CPM: variants seen among roughly 807,000 people sequenced by gnomAD.
CPM encodes renal carboxypeptidase.
CPM carries 35 observed loss-of-function variants against 46.4 expected under a neutral mutation model. The ratio of observed to expected loss-of-function variants is 0.75; its 90% CI spans 0.58 to 1.00. The LOEUF (loss-of-function observed/expected upper bound fraction) is 1.00. Among genes scored for constraint, CPM ranks in the 50% least tolerant of loss-of-function variants. The pLI, the probability that CPM is intolerant of heterozygous loss-of-function variation, is 0.00. For missense variants in CPM, 422 were observed against 530.4 expected (o/e 0.80, Z 2.01); for synonymous variants, 195 against 195.3 (o/e 1.00, Z 0.01).
At chr12:68,881,613 C>A (rs1886192339) in intron 3 of CPM, among the ~76,000 whole-genome samples, 1 of 152,078 alleles carries the variant, frequency 6.6e-6, no homozygotes, top group Non-Finnish European at 1.5e-5. Flanking sequence ...ACACAAATAT[C>A]TGGAAAAACA....
At chr12:68,926,453 A>T (rs1359085566) in intron 2 of CPM, among the ~76,000 whole-genome samples, 4 of 152,106 alleles carry the variant, frequency 2.6e-5, no homozygotes, top group Non-Finnish European at 5.9e-5. Context: ...CTATACCTTC[A>T]GGTCAAATGT....
At chr12:68,849,045 G>A (rs1372142017), downstream of CPM, 1 of 151,488 alleles carries the variant, frequency 6.6e-6, no homozygotes, top group African/African-American at 2.4e-5. Flanking sequence ...AAGGTGGGAG[G>A]TGGAAGTATC....
chr12:68,922,552 A>G (rs1330692536), intron 2 of CPM, among the ~76,000 whole-genome samples: 3 of 151,814 alleles, frequency 2.0e-5, no homozygotes, highest in African/African-American at 2.4e-5. Flanking sequence ...GTTATCTTCA[A>G]CTCCGGGTAA....
At chr12:68,918,942 T>C (rs966602623) in intron 2 of CPM, among the ~76,000 whole-genome samples, 23 of 152,238 alleles carry the variant, frequency 1.5e-4, no homozygotes, top group African/African-American at 5.1e-4. Context: ...CACTTTAGAA[T>C]TGGCTTAGAA....
intron 3 of CPM, among the ~76,000 whole-genome samples, chr12:68,880,476 C>G (rs1435852160): frequency 1.3e-5 from 2 of 152,190 alleles, no homozygotes; most frequent in African/African-American, 2.4e-5. Context: ...TTTTACATAA[C>G]AGCAAGCCCA....
chr12:68,870,480 G>T, intron 4 of CPM, 81 bp from the exon 5 acceptor site: 1 of 1,267,684 alleles, frequency 7.9e-7, no homozygotes, highest in Non-Finnish European at 1.1e-6. Flanking sequence ...CTTTGGTTTA[G>T]GCTCCAGGTG....
At chr12:68,859,448 A>G (rs1412413672) in intron 7 of CPM, among the ~76,000 whole-genome samples, 9 of 152,324 alleles carry the variant, frequency 5.9e-5, no homozygotes, top group East Asian at 5.8e-4. Flanking sequence ...GTGTCAATGT[A>G]TTAGTTACAA....
intron 1 of CPM, among the ~76,000 whole-genome samples, chr12:68,953,877 G>T (rs1215804967): frequency 6.6e-6 from 1 of 152,248 alleles, no homozygotes; most frequent in African/African-American, 2.4e-5. Context: ...CTAGTTGTGG[G>T]ATGGGTTATA....
intron 1 of CPM, among the ~76,000 whole-genome samples, chr12:68,962,636 C>T (rs1889141214): frequency 6.6e-6 from 1 of 152,202 alleles, no homozygotes; most frequent in African/African-American, 2.4e-5. Flanking sequence ...CAAAGTTAAC[C>T]TGAAAAACAA....
At chr12:68,903,291 C>T (rs958325138) in intron 2 of CPM, among the ~76,000 whole-genome samples, 5 of 152,142 alleles carry the variant, frequency 3.3e-5, no homozygotes, top group African/African-American at 1.2e-4. Flanking sequence ...CCCTTTGGAA[C>T]TATTGAAGTC....
intron 3 of CPM, among the ~76,000 whole-genome samples, chr12:68,879,757 C>T (rs927681782): frequency 3.3e-5 from 5 of 151,978 alleles, no homozygotes; most frequent in African/African-American, 1.2e-4. Flanking sequence ...TAGAGATTAC[C>T]CAAGAAAAGT....
chr12:68,926,397 G>C (rs1044657270), intron 2 of CPM, among the ~76,000 whole-genome samples: 4 of 151,772 alleles, frequency 2.6e-5, no homozygotes, highest in Non-Finnish European at 5.9e-5. Context: ...CAATTGCTTA[G>C]TGGCTAATGG....
chr12:68,843,075 T>C (rs1377935793), intron 5 of CPM: 1 of 222,082 alleles, frequency 4.5e-6, no homozygotes, highest in African/African-American at 2.2e-5. Flanking sequence ...TCAGTGCCTT[T>C]TGCAATTTGT....
At chr12:68,901,284 C>T (rs1211366405) in intron 2 of CPM, among the ~76,000 whole-genome samples, 2 of 152,146 alleles carry the variant, frequency 1.3e-5, no homozygotes, top group Admixed American at 6.5e-5. Context: ...AGAAACTATG[C>T]CCCCATGCAC....
At chr12:68,917,770 G>A (rs1022664488) in intron 2 of CPM, among the ~76,000 whole-genome samples, 3 of 152,190 alleles carry the variant, frequency 2.0e-5, no homozygotes, top group African/African-American at 7.2e-5. Context: ...TTTGGGGTCT[G>A]CATCCTGGCT....
intron 2 of CPM, among the ~76,000 whole-genome samples, chr12:68,912,614 C>A (rs1360354284): frequency 1.3e-5 from 2 of 152,142 alleles, no homozygotes; most frequent in African/African-American, 4.8e-5. Flanking sequence ...ACACCATGAC[C>A]TATGAGCCCA....
At chr12:68,895,766 G>T (rs1325829161) in intron 2 of CPM, among the ~76,000 whole-genome samples, 1 of 152,170 alleles carries the variant, frequency 6.6e-6, no homozygotes, top group Admixed American at 6.5e-5. Flanking sequence ...GATCATTTGA[G>T]GTCAGGAGTT....
At chr12:68,906,832 A>G (rs1309573846) in intron 2 of CPM, among the ~76,000 whole-genome samples, 1 of 152,206 alleles carries the variant, frequency 6.6e-6, no homozygotes, top group African/African-American at 2.4e-5. Context: ...CCTTGTGCCT[A>G]TTTCCAGGCA....
chr12:68,935,649 T>A (rs1169307651), upstream of CPM, among the ~76,000 whole-genome samples: 1 of 151,840 alleles, frequency 6.6e-6, no homozygotes, highest in Admixed American at 6.6e-5. Flanking sequence ...TTTTTTTTTT[T>A]AATTGTGCAG....
Sources: allele counts gnomAD v4.1 joint callset (sites outside exome capture counted in the v4.1 genomes callset), GRCh38; gene constraint gnomAD v4.1.1; transcripts MANE v1.5; gene names NCBI Gene and HGNC (gene_info 2026-07-23, HGNC 2026-07-21).